Variants in PTPRT observed in about 807,000 individuals in gnomAD.
PTPRT encodes the protein receptor-type tyrosine-protein phosphatase T.
PTPRT carries 56 observed loss-of-function variants against 176.8 expected under a neutral mutation model. That is an observed-to-expected ratio of 0.32 (90% CI 0.26 to 0.40). The LOEUF (loss-of-function observed/expected upper bound fraction) is 0.40. PTPRT is among the 10% of genes least tolerant of loss of function. The probability of loss-of-function intolerance (pLI) is 1.00; values close to 1 mark genes in which losing one functional copy is unlikely to be tolerated. For synonymous variants in PTPRT, 783 were observed against 739.0 expected, an observed-to-expected ratio of 1.06 and a Z score of -0.96; for missense variants, 1,540 against 1,908.2, an observed-to-expected ratio of 0.81 and a Z score of 3.60.
At chr20:42,724,886 G>T (rs1351863936) in intron 6 of PTPRT, among the ~76,000 whole-genome samples, 1 of 151,980 alleles carries the variant, frequency 6.6e-6, no homozygotes, top group African/African-American at 2.4e-5. Flanking sequence ...ATTACAGTGG[G>T]CCCAGATAAA....
chr20:42,779,416 G>A (rs1652805665), intron 4 of PTPRT, among the ~76,000 whole-genome samples: 1 of 152,184 alleles, frequency 6.6e-6, no homozygotes, highest in Non-Finnish European at 1.5e-5. Context: ...TCTCCAATCT[G>A]CAGAACACTA....
At chr20:42,164,642 A>T (rs186974272) in intron 16 of PTPRT, among the ~76,000 whole-genome samples, 5 of 152,242 alleles carry the variant, frequency 3.3e-5, no homozygotes, top group Admixed American at 2.6e-4. Flanking sequence ...TTAATTTTCC[A>T]TCGTTAGGTT....
chr20:42,577,879 C>T (rs767077530), intron 7 of PTPRT, among the ~76,000 whole-genome samples: 105 of 111,278 alleles, frequency 9.4e-4, no homozygotes, highest in Non-Finnish European at 1.7e-3. Context: ...ACAGGCATAC[C>T]CAGTCTAACC....
chr20:42,952,525 C>A (rs1028714285), intron 1 of PTPRT, among the ~76,000 whole-genome samples: 1 of 152,238 alleles, frequency 6.6e-6, no homozygotes, highest in African/African-American at 2.4e-5. Context: ...ATCTGCACAA[C>A]TTCTGCGTGC....
At chr20:42,355,387 C>T (rs2058345108) in intron 9 of PTPRT, among the ~76,000 whole-genome samples, 1 of 152,132 alleles carries the variant, frequency 6.6e-6, no homozygotes, top group Non-Finnish European at 1.5e-5. Flanking sequence ...TATTCAAATC[C>T]CCATCTCAGG....
chr20:42,572,829 C>A (rs931148752), intron 7 of PTPRT, among the ~76,000 whole-genome samples: 1 of 152,056 alleles, frequency 6.6e-6, no homozygotes, highest in Non-Finnish European at 1.5e-5. Context: ...TCTGCCTTCT[C>A]GGGCATCCCA....
At position 43,189,887 on chromosome 20, in the gene PTPRT, G is replaced by C. The variant is rs2015498803; in HGVS notation, c.-154C>G. 2 of 177,562 alleles carry C rather than the reference G, an allele frequency of 1.1e-5. No homozygotes were observed. The highest frequency in any genetic ancestry group is 4.9e-5 in the African/African-American group (2 of 40,518). 11.0% of individuals were successfully genotyped at this position (177,562 alleles called of 1,614,324 possible). A position where few individuals can be genotyped will look rare whatever the true frequency, so the allele number is the denominator to read the frequency against. ...CGGAGCCGGCGCTCCTGCGTTCCAA[G>C]CCGAGGCGCGGCGCGAACTGAGGCG... On this transcript the variant is annotated 5_prime_UTR_variant, in exon 1 of 31. Coordinates refer to ENST00000373187, the MANE Select transcript of PTPRT (RefSeq NM_007050.6). The surrounding 1 kb of genome is among the most constrained non-coding windows in gnomAD (Gnocchi z 5.0).
intron 11 of PTPRT, among the ~76,000 whole-genome samples, chr20:42,348,684 C>G (rs2058232734): frequency 6.6e-6 from 1 of 152,128 alleles, no homozygotes; most frequent in Non-Finnish European, 1.5e-5. Flanking sequence ...TAAATGAAAG[C>G]TAGCAGGCTC....
At chr20:42,210,847 A>C (rs1402972680) in intron 15 of PTPRT, among the ~76,000 whole-genome samples, 1 of 152,182 alleles carries the variant, frequency 6.6e-6, no homozygotes, top group African/African-American at 2.4e-5. Flanking sequence ...AGTCAATCCT[A>C]ACCCAAAAGA....
At chr20:42,713,558 A>T (rs944446470) in intron 6 of PTPRT, among the ~76,000 whole-genome samples, 3 of 152,108 alleles carry the variant, frequency 2.0e-5, no homozygotes, top group African/African-American at 7.2e-5. Flanking sequence ...ATGAAACTGT[A>T]AGACTTTTAA....
intron 7 of PTPRT, among the ~76,000 whole-genome samples, chr20:42,570,309 A>G (rs1359469293): frequency 2.0e-5 from 3 of 152,186 alleles, no homozygotes; most frequent in South Asian, 2.1e-4. Flanking sequence ...TCTCCTCGGC[A>G]CATAAGGATA....
chr20:42,211,794 T>G (rs1012496285), intron 15 of PTPRT, among the ~76,000 whole-genome samples: 5 of 150,234 alleles, frequency 3.3e-5, no homozygotes, highest in Non-Finnish European at 7.4e-5. Context: ...ATCCCATTAC[T>G]GGGTATATAC....
intron 6 of PTPRT, among the ~76,000 whole-genome samples, chr20:42,686,881 C>T (rs1320985140): frequency 6.6e-6 from 1 of 152,056 alleles, no homozygotes; most frequent in Non-Finnish European, 1.5e-5. Flanking sequence ...ATAAACTATT[C>T]GCAAATCCAT....
chr20:42,063,221 C>A, the PTPRT span, among the ~76,000 whole-genome samples: 4 of 152,192 alleles, frequency 2.6e-5, no homozygotes, highest in Non-Finnish European at 5.9e-5. Flanking sequence ...CTTTCTGGTT[C>A]TGTCAAGCAG....
intron 6 of PTPRT, among the ~76,000 whole-genome samples, chr20:42,696,165 A>C (rs2075872040): frequency 6.9e-6 from 1 of 145,432 alleles, no homozygotes. Context: ...CTCTCCCCTA[A>C]ACCCTCTCTT....
chr20:42,323,225 A>G (rs1266795652), intron 11 of PTPRT, among the ~76,000 whole-genome samples: 2 of 152,240 alleles, frequency 1.3e-5, no homozygotes, highest in Non-Finnish European at 2.9e-5. Flanking sequence ...ATCTAGAACT[A>G]GAAATACCAT....
intron 1 of PTPRT, among the ~76,000 whole-genome samples, chr20:43,133,078 A>G (rs958313195): frequency 5.9e-5 from 9 of 152,120 alleles, no homozygotes; most frequent in African/African-American, 1.9e-4. Context: ...TGCCTGGGGA[A>G]GAGGGGCGGA....
chr20:42,971,511 G>T (rs1285821447), intron 1 of PTPRT: 1 of 152,072 alleles, frequency 6.6e-6, no homozygotes, highest in African/African-American at 2.4e-5. Context: ...GCCTCATGTG[G>T]TCTGTCCCCC....
At chr20:42,634,546 C>T (rs1320238372) in intron 7 of PTPRT, among the ~76,000 whole-genome samples, 2 of 151,904 alleles carry the variant, frequency 1.3e-5, no homozygotes, top group African/African-American at 4.8e-5. Context: ...GCAGCACAGA[C>T]TACATTATAG....
Sources: allele counts gnomAD v4.1 joint callset (sites outside exome capture counted in the v4.1 genomes callset), GRCh38; gene constraint gnomAD v4.1.1; non-coding constraint Gnocchi (gnomAD v3.1); transcripts MANE v1.5; gene names NCBI Gene and HGNC (gene_info 2026-07-23, HGNC 2026-07-21).